Variants in IQGAP3 observed in about 807,000 individuals in gnomAD.
The protein encoded by IQGAP3 is ras GTPase-activating-like protein IQGAP3.
Under a neutral mutation model 208.2 loss-of-function variants are expected in IQGAP3, and 165 were observed. The observed-to-expected ratio is 0.79, with a 90% CI of 0.70 to 0.90. IQGAP3 has a LOEUF of 0.90. IQGAP3 is among the 40% of genes least tolerant of loss of function. The pLI is 0.00. For synonymous variants in IQGAP3, 703 were observed against 803.6 expected (o/e 0.87, Z 2.12); for missense variants, 1,811 against 2,043.1 (o/e 0.89, Z 2.19).
chr1:156,539,972 T>G lies in IQGAP3; in HGVS notation c.2758A>C (p.Lys920Gln). 1.2e-6 allele frequency: 2 copies of G among 1,614,134 alleles called. No individual in the cohort carries two copies. Residue 920 changes from lysine to glutamine, a missense_variant, in exon 24 of 38, where the codon AAG becomes CAG. Coordinates refer to ENST00000361170, the MANE Select transcript of IQGAP3 (RefSeq NM_178229.5). Reference protein sequence around the residue: ...ITLQEVVSHCKKLTKRNKEQL... With the variant: ...ITLQEVVSHCQKLTKRNKEQL... ...TCCTTATTCCTCTTGGTCAGCTTCT[T>G]GCAGTGGGAGACCACTTCCTGCAGG...
At chr1:156,572,293 AGTCAGGG>A (rs746598369) in intron 1 of IQGAP3, among the ~76,000 whole-genome samples, 193 bp downstream of exon 1, 159 of 152,270 alleles carry the variant, frequency 1.0e-3, no homozygotes, top group Admixed American at 2.1e-3. Context: ...GCAGCACATT[AGTCAGGG>A]GACAATGCGC....
chr1:156,531,257 G>A lies in IQGAP3; in HGVS notation c.4104-10C>T. ...CAACAGCTGCTTGGTGCTGCACAAG[G>A]AGGACAGTGACAGAGGAGAGGTAAG... is the stretch of plus-strand genomic sequence containing the variant. On this transcript the variant is annotated splice_polypyrimidine_tract_variant and intron_variant, in intron 32 of 37. Coordinates refer to ENST00000361170, the MANE Select transcript of IQGAP3 (RefSeq NM_178229.5). 1.2e-6 allele frequency: 2 copies of A among 1,609,774 alleles called. No individual in the cohort carries two copies. The highest frequency in any genetic ancestry group is 1.7e-6 in the Non-Finnish European group (2 of 1,176,686).
At position 156,526,352 on chromosome 1, in the gene IQGAP3, G is replaced by C. The variant is rs555913820; in HGVS notation, c.*134C>G. 7.2e-5 allele frequency: 47 copies of C among 654,132 alleles called. No individual in the cohort carries two copies. The South Asian group carries it at 8.4e-4, about 12-fold the overall frequency. 40.5% of individuals were successfully genotyped at this position (654,132 alleles called of 1,614,324 possible). ...CAGGCAGGCAAGCTCCTCCCAGCTG[G>C]GGAAGGGGTGAGAATCCCTGGGCCT... On this transcript the variant is annotated 3_prime_UTR_variant, in exon 38 of 38. Transcript: ENST00000361170.
At chr1:156,534,790 C>T (rs952412828) in intron 28 of IQGAP3, 57 bp from the exon 29 acceptor site, 31 of 1,279,098 alleles carry the variant, frequency 2.4e-5, no homozygotes, top group Non-Finnish European at 7.4e-6. Context: ...ACTGGTGCGG[C>T]CCCACATTCT....
intron 15 of IQGAP3, among the ~76,000 whole-genome samples, chr1:156,551,237 G>A (rs1295997968): frequency 1.3e-5 from 2 of 152,082 alleles, no homozygotes; most frequent in Non-Finnish European, 2.9e-5. Flanking sequence ...GGGTCAGGCC[G>A]CCAGGATGTA....
intron 12 of IQGAP3, among the ~76,000 whole-genome samples, chr1:156,556,270 G>A (rs769781754): frequency 1.3e-5 from 2 of 152,232 alleles, no homozygotes; most frequent in Non-Finnish European, 2.9e-5. Flanking sequence ...ACTTAACTCT[G>A]CATCTCAGTT....
At chr1:156,562,558 C>T in intron 9 of IQGAP3, 29 bp downstream of exon 9, 1 of 1,601,510 alleles carries the variant, frequency 6.2e-7, no homozygotes, top group Non-Finnish European at 8.6e-7. Flanking sequence ...GAGGTCACCC[C>T]CAAACCACTC....
intron 23 of IQGAP3, 46 bp downstream of exon 23, chr1:156,540,662 A>G: frequency 1.3e-6 from 2 of 1,524,814 alleles, no homozygotes; most frequent in Non-Finnish European, 1.8e-6. Flanking sequence ...TCACATCTCC[A>G]GAGGCAGGCA....
rs201571446 is a variant in IQGAP3 at position 156,537,276 on chromosome 1, G to A, written c.3327C>T (p.Pro1109=). 47 of 1,613,802 alleles carry A rather than the reference G, an allele frequency of 2.9e-5. No homozygotes were observed. The highest frequency in any genetic ancestry group is 3.5e-5 in the Non-Finnish European group (41 of 1,179,922). The change falls in exon 27 of 38, where the codon CCC becomes CCT. Residue 1109 remains proline, a synonymous_variant. Coordinates refer to ENST00000361170, the MANE Select transcript of IQGAP3 (RefSeq NM_178229.5). ...DVTPEQALSH[P]EVQRRLDIAL... ...CGATGTCCAGTCGTCTCTGGACCTC[G>A]GGGTGGCTCAAGGCCTGCTCCGGGG...
chr1:156,534,167 G>A (rs759563971), intron 29 of IQGAP3, 26 bp from the exon 30 acceptor site: 1 of 1,611,280 alleles, frequency 6.2e-7, no homozygotes, highest in South Asian at 1.1e-5. Context: ...GCATGTGAGA[G>A]AGCGGGGAGG....
chr1:156,537,080 T>C, intron 27 of IQGAP3, 101 bp downstream of exon 27: 1 of 1,307,948 alleles, frequency 7.6e-7, no homozygotes, highest in East Asian at 2.4e-5. Flanking sequence ...TCTCCCTCCC[T>C]GCCTTCCTCC....
Position 156,528,974 on chromosome 1 carries a change from C to T in IQGAP3, c.4513G>A (p.Gly1505Ser), listed in dbSNP as rs1557914726. 3 of 1,614,208 alleles carry T rather than the reference C, an allele frequency of 1.9e-6. No homozygotes were observed. The highest frequency in any genetic ancestry group is 4.5e-5 in the East Asian group (2 of 44,884). The change falls in exon 35 of 38, where the codon GGT (glycine) becomes AGT (serine). Residue 1505 changes from glycine (G) to serine (S), a missense_variant. Transcript: ENST00000361170. ...STKTTFYEEQGDYYSQYIRAC... is the reference protein window; with the variant it reads ...STKTTFYEEQSDYYSQYIRAC... ...CGGATGTACTGGCTGTAGTAGTCAC[C>T]CTGCTCCTCATAGAAGGTGGTCTTA...
intron 22 of IQGAP3, among the ~76,000 whole-genome samples, chr1:156,541,269 C>A (rs930670240): frequency 6.6e-6 from 1 of 151,818 alleles, no homozygotes; most frequent in Non-Finnish European, 1.5e-5. Context: ...CCCAATCTAC[C>A]ACTCACTTCT....
In IQGAP3 at chr1:156,561,809, G is replaced by A. The variant is rs149563494; in HGVS notation, c.1041+29C>T. ...TCTCCTATCCTATAGTCACATACAG[G>A]GGGTGGCAGGTAATAGACAGAGGCT... On this transcript the variant is annotated intron_variant, in intron 10 of 37. Coordinates refer to ENST00000361170, the MANE Select transcript of IQGAP3 (RefSeq NM_178229.5). 3.1e-6 allele frequency: 5 copies of A among 1,609,712 alleles called. No individual in the cohort carries two copies. The South Asian group carries it at 3.3e-5, about 11-fold the overall frequency.
chr1:156,528,050 C>T lies in IQGAP3; in HGVS notation c.4684G>A (p.Val1562Ile), dbSNP rs748373017. The change falls in exon 37 of 38, where the codon GTC becomes ATC. Residue 1562 changes from valine to isoleucine, a missense_variant. Val to Ile is a conservative substitution (Grantham distance 29). Coordinates refer to ENST00000361170, the MANE Select transcript of IQGAP3 (RefSeq NM_178229.5). ...EDLPASHFRN[V>I]IFDITPGDEA... ...TCTCCCGGCGTGATGTCAAAGATGA[C>T]GTTTCTGAAGCTGTCAGGAACAGGA... 1.2e-5 allele frequency: 19 copies of T among 1,613,778 alleles called. No individual in the cohort carries two copies. The South Asian group carries it at 1.2e-4, about 10-fold the overall frequency.
At chr1:156,572,347 T>C (rs1244781296) in intron 1 of IQGAP3, 146 bp downstream of exon 1, 1 of 866,892 alleles carries the variant, frequency 1.2e-6, no homozygotes. Flanking sequence ...GCGCCCGGGC[T>C]GAGGATTCCC....
At chr1:156,533,672 AC>A in intron 31 of IQGAP3, 100 bp downstream of exon 31, 2 of 884,838 alleles carry the variant, frequency 2.3e-6, no homozygotes, top group Non-Finnish European at 3.6e-6. Context: ...CTGGCACAAG[AC>A]CTAGGCTGCA....
Position 156,566,016 on chromosome 1 carries a change from C to T in IQGAP3, c.360+11G>A, listed in dbSNP as rs1676382477. 1 of 1,602,566 alleles carries T rather than the reference C, an allele frequency of 6.2e-7. No individual in the cohort carries two copies. Among genetic ancestry groups the T allele is most frequent in the Non-Finnish European group, 8.6e-7 (1 of 1,169,562 alleles). On this transcript the variant is annotated intron_variant, in intron 4 of 37. Transcript: ENST00000361170. ...GTAAAGATGAATACCAATCTTCAGG[C>T]CCAGTATTACCGAAGGCAGACCGAT...
In IQGAP3 at chr1:156,551,991, G is replaced by A; in HGVS notation, c.1553C>T (p.Thr518Ile). The A allele has an allele frequency of 6.2e-7, 1 of 1,614,150 alleles. No homozygotes were observed. Among genetic ancestry groups the A allele is most frequent in the Non-Finnish European group, 8.5e-7 (1 of 1,180,004 alleles). Residue 518 changes from threonine to isoleucine, a missense_variant, in exon 14 of 38, where the codon ACC becomes ATC. Physicochemically the swap from Thr to Ile is moderately conservative, Grantham distance 89. Coordinates refer to ENST00000361170, the MANE Select transcript of IQGAP3 (RefSeq NM_178229.5). ...ATACTTACGGTCAGTCTCTTCCTGG[G>A]TCTGTGCATTGACCTGGCTCACGGT... The part of the protein sequence containing the change: ...QATVSQVNAQ[T>I]QEETDRVLAV...
Sources: allele counts gnomAD v4.1 joint callset (sites outside exome capture counted in the v4.1 genomes callset), GRCh38; gene constraint gnomAD v4.1.1; transcripts MANE v1.5; gene names NCBI Gene and HGNC (gene_info 2026-07-23, HGNC 2026-07-21).